Variants in SMC1A observed in about 807,000 individuals in gnomAD.
The protein encoded by SMC1A is structural maintenance of chromosomes protein 1A.
A neutral mutation model predicts 94.5 loss-of-function variants in SMC1A; 4 were observed. The observed-to-expected ratio is 0.04, with a 90% CI of 0.02 to 0.10. The LOEUF (loss-of-function observed/expected upper bound fraction) is 0.10, where lower values mean the gene tolerates loss of function less well. Among genes scored for constraint, SMC1A ranks in the 10% least tolerant of loss-of-function variants. SMC1A has a pLI of 1.00. For synonymous variants in SMC1A, 345 were observed against 347.7 expected, an observed-to-expected ratio of 0.99 and a Z score of 0.09; for missense variants, 304 against 989.0, an observed-to-expected ratio of 0.31 and a Z score of 9.29.
At position 53,415,293 on chromosome X, in the gene SMC1A, G is replaced by C. The variant is rs1424675250; in HGVS notation, c.110-124C>G. On this transcript the variant is annotated intron_variant, in intron 1 of 24. Coordinates refer to ENST00000322213, the MANE Select transcript of SMC1A (RefSeq NM_006306.4). ...CTCAGTACTCAGACTAATGGGAAGA[G>C]AGACTACTCCTCTGTCCCCATAAAG... 8.8e-6 allele frequency: 5 copies of C among 567,849 alleles called. No homozygotes were observed. The Admixed American group carries it at 1.1e-4, about 12-fold the overall frequency. 46.8% of individuals were successfully genotyped at this position (567,849 alleles called of 1,213,427 possible). A position where few individuals can be genotyped will look rare whatever the true frequency, so the allele number is the denominator to read the frequency against.
intron 1 of SMC1A, among the ~76,000 whole-genome samples, chrX:53,416,176 G>A (rs1348222738): frequency 9.5e-6 from 1 of 105,654 alleles, no homozygotes; most frequent in Non-Finnish European, 1.9e-5. Context: ...GGTGGCGGGC[G>A]CCTGTAATCC....
At chrX:53,395,118 G>A (rs1351620088) in intron 18 of SMC1A, among the ~76,000 whole-genome samples, 1 of 112,210 alleles carries the variant, frequency 8.9e-6, no homozygotes, top group Non-Finnish European at 1.9e-5. Context: ...CAAGGCAGGT[G>A]AATCACTTCA....
chrX:53,419,553 C>T (rs782798512), intron 1 of SMC1A, among the ~76,000 whole-genome samples: 49 of 107,741 alleles, frequency 4.5e-4, no homozygotes, highest in African/African-American at 1.4e-3. Flanking sequence ...AGGCCAGGCG[C>T]GGTGGCTCAC....
chrX:53,385,741 G>A (rs1366562420), intron 19 of SMC1A, among the ~76,000 whole-genome samples: 1 of 111,537 alleles, frequency 9.0e-6, no homozygotes, highest in African/African-American at 3.3e-5. Context: ...AGAAAGAGAG[G>A]TGAAGGGGAC....
chrX:53,376,383 C>T lies in SMC1A; in HGVS notation c.*3720G>A, dbSNP rs1355720860. ...AGCATTCAAGATTCCAAATCTTCAC[C>T]CCAGACTTAATGAATGTTTTAGGGG... On this transcript the variant is annotated 3_prime_UTR_variant, in exon 25 of 25. Coordinates refer to ENST00000322213, the MANE Select transcript of SMC1A (RefSeq NM_006306.4). 2 of 111,521 alleles carry T rather than the reference C, an allele frequency of 1.8e-5. No homozygotes were observed. The highest frequency in any genetic ancestry group is 1.9e-4 in the Admixed American group (2 of 10,484). The allele number at this position is 111,521 out of a possible 1,213,427, so 9.2% of individuals were successfully genotyped here. A position where few individuals can be genotyped will look rare whatever the true frequency, so the allele number is the denominator to read the frequency against.
chrX:53,386,909 A>G lies in SMC1A; in HGVS notation c.2974-3656T>C, dbSNP rs1169064762. Among the ~76,000 whole-genome samples, 3 of 112,627 alleles carry G rather than the reference A, an allele frequency of 2.7e-5. No individual in the cohort carries two copies. The Admixed American group carries it at 2.8e-4, about 11-fold the overall frequency. On this transcript the variant is annotated intron_variant, in intron 19 of 24. Transcript: ENST00000322213. Reference sequence around the variant, plus strand: ...ATAGGAACATGACTATACATTCCCAATGAGGCTTTCCTTAGCTTAATAATA... The same window carrying G: ...ATAGGAACATGACTATACATTCCCAGTGAGGCTTTCCTTAGCTTAATAATA...
At position 53,380,013 on chromosome X, in the gene SMC1A, G is replaced by A; in HGVS notation, c.*90C>T. 1 of 635,360 alleles carries A rather than the reference G, an allele frequency of 1.6e-6. No homozygotes were observed. The highest frequency in any genetic ancestry group is 2.6e-6 in the Non-Finnish European group (1 of 379,208). The allele number at this position is 635,360 out of a possible 1,213,427, so 52.4% of individuals were successfully genotyped here. A position where few individuals can be genotyped will look rare whatever the true frequency, so the allele number is the denominator to read the frequency against. On this transcript the variant is annotated 3_prime_UTR_variant, in exon 25 of 25. Transcript: ENST00000322213. ...CCATGACTACACCAAAAAGGGCCAGGAGGTAGGGGGAAGGTTGGGAGTCAA... is the reference window on the plus strand; with the variant it reads ...CCATGACTACACCAAAAAGGGCCAGAAGGTAGGGGGAAGGTTGGGAGTCAA...
intron 1 of SMC1A, among the ~76,000 whole-genome samples, chrX:53,416,593 T>C (rs1348211610): frequency 1.8e-5 from 2 of 109,715 alleles, no homozygotes; most frequent in Non-Finnish European, 3.8e-5. Context: ...GGTTTCACCA[T>C]GTTGGCCAGG....
chrX:53,419,062 AAAG>A (rs1556891675), intron 1 of SMC1A, among the ~76,000 whole-genome samples: 1 of 107,615 alleles, frequency 9.3e-6, no homozygotes, highest in African/African-American at 3.4e-5. Flanking sequence ...AAAAAAAAAA[AAAG>A]TTTAGTCGGG....
chrX:53,396,779 A>T (rs1556888123), intron 16 of SMC1A, among the ~76,000 whole-genome samples, 162 bp from the exon 17 acceptor site: 1 of 111,532 alleles, frequency 9.0e-6, no homozygotes, highest in African/African-American at 3.3e-5. Context: ...CTATCTTTTT[A>T]AAATTTGGTT....
At chrX:53,400,113 C>T (rs782697289) in intron 15 of SMC1A, among the ~76,000 whole-genome samples, 4 of 111,938 alleles carry the variant, frequency 3.6e-5, no homozygotes, top group Non-Finnish European at 5.6e-5. Flanking sequence ...TACATTATCT[C>T]TAATCCTCTA....
At chrX:53,387,097 A>G (rs1556886533) in intron 19 of SMC1A, among the ~76,000 whole-genome samples, 3 of 111,779 alleles carry the variant, frequency 2.7e-5, no homozygotes, top group Non-Finnish European at 5.7e-5. Flanking sequence ...CCAGGTTCAC[A>G]CCATTCTTCT....
chrX:53,391,004 GAA>G (rs1175710151), intron 19 of SMC1A, among the ~76,000 whole-genome samples: 671 of 53,951 alleles, frequency 0.012, 3 homozygotes, highest in Non-Finnish European at 0.019. Context: ...AAAAGAAAAA[GAA>G]AAAAAAAAAA....
intron 5 of SMC1A, 58 bp from the exon 6 acceptor site, chrX:53,412,311 A>T: frequency 2.6e-6 from 3 of 1,152,186 alleles, no homozygotes; most frequent in Non-Finnish European, 3.6e-6. Flanking sequence ...GAGGGTTCCC[A>T]GGCTTTTCAC....
intron 1 of SMC1A, among the ~76,000 whole-genome samples, chrX:53,415,843 GA>G (rs201092400): frequency 4.2e-3 from 211 of 50,811 alleles, no homozygotes; most frequent in East Asian, 0.041. Flanking sequence ...AAAAAATAGT[GA>G]AAAAAAAAAA....
At chrX:53,405,185 G>A (rs1556889495) in intron 12 of SMC1A, 36 bp from the exon 13 acceptor site, 1 of 1,212,093 alleles carries the variant, frequency 8.3e-7, no homozygotes, top group East Asian at 3.0e-5. Context: ...AGGTGGTAAG[G>A]TGGTGGCTGA....
intron 22 of SMC1A, among the ~76,000 whole-genome samples, chrX:53,381,386 C>T (rs2075582423): frequency 8.9e-6 from 1 of 111,747 alleles, no homozygotes; most frequent in South Asian, 3.7e-4. Flanking sequence ...TTGTAATGAC[C>T]GAGCTACCTA....
intron 19 of SMC1A, among the ~76,000 whole-genome samples, chrX:53,391,788 A>G (rs782457903): frequency 2.2e-4 from 25 of 111,569 alleles, no homozygotes; most frequent in African/African-American, 7.8e-4. Context: ...CCTGGCCAAC[A>G]TTTATTTATT....
In SMC1A at chrX:53,404,918, C is replaced by A. The variant is rs183288560; in HGVS notation, c.2196+94G>T. 13,195 of 1,016,250 alleles carry A rather than the reference C, an allele frequency of 0.013. 91 individuals are homozygous for A. The highest frequency in any genetic ancestry group is 0.016 in the Non-Finnish European group (11,903 of 746,359). 83.8% of individuals were successfully genotyped at this position (1,016,250 alleles called of 1,213,427 possible). A position where few individuals can be genotyped will look rare whatever the true frequency, so the allele number is the denominator to read the frequency against. Reference sequence around the variant, plus strand: ...CTCCCTGCGGCAGGCTGGGAGGAGACGGGGAAGTGAAACAAGTTCCCCACC... The same window carrying A: ...CTCCCTGCGGCAGGCTGGGAGGAGAAGGGGAAGTGAAACAAGTTCCCCACC... On this transcript the variant is annotated intron_variant, in intron 13 of 24. Transcript: ENST00000322213.
Sources: allele counts gnomAD v4.1 joint callset (sites outside exome capture counted in the v4.1 genomes callset), GRCh38; gene constraint gnomAD v4.1.1; transcripts MANE v1.5; gene names NCBI Gene and HGNC (gene_info 2026-07-23, HGNC 2026-07-21).